Variants in TNIK observed in about 807,000 individuals in gnomAD.
The protein encoded by TNIK is TRAF2 and NCK-interacting protein kinase.
Under a neutral mutation model 191.3 loss-of-function variants are expected in TNIK, and 49 were observed. That is an observed-to-expected ratio of 0.26 (90% CI 0.20 to 0.32). The LOEUF is 0.32. Among genes scored for constraint, TNIK ranks in the 10% least tolerant of loss-of-function variants. The pLI, the probability that TNIK is intolerant of heterozygous loss-of-function variation, is 1.00. For missense variants in TNIK, 1,155 were observed against 1,702.3 expected (o/e 0.68, Z 5.66); for synonymous variants, 594 against 600.9 (o/e 0.99, Z 0.17).
In TNIK at chr3:171,128,752, C is replaced by T; in HGVS notation, c.1735G>A (p.Ala579Thr). ...GGTCTGAGCATGGGGGGTGTTCGAG[C>T]AGGCTGAACTCCACTAATGCTGAAG... Reference protein sequence around the residue: ...ESFSISGVQPARTPPMLRPVD... With the variant: ...ESFSISGVQPTRTPPMLRPVD... The change falls in exon 16 of 33, where the codon GCT (alanine) becomes ACT (threonine). Residue 579 changes from alanine (A) to threonine (T), a missense_variant. By Grantham distance (58) the Ala-to-Thr change is moderately conservative (BLOSUM62 0). This residue lies in a region of TNIK where 735 missense variants were observed against 848.0 expected (regional missense o/e 0.87). Transcript: ENST00000436636. The T allele has an allele frequency of 6.2e-7, 1 of 1,613,454 alleles. No homozygotes were observed. The highest frequency in any genetic ancestry group is 8.5e-7 in the Non-Finnish European group (1 of 1,179,752).
chr3:171,101,491 G>A lies in TNIK; in HGVS notation c.2549C>T (p.Thr850Ile), dbSNP rs775706138. Residue 850 changes from threonine to isoleucine, a missense_variant, in exon 22 of 33, where the codon ACC becomes ATC. By Grantham distance (89) the Thr-to-Ile change is moderately conservative (BLOSUM62 -1). This residue lies in a region of TNIK where 735 missense variants were observed against 848.0 expected (regional missense o/e 0.87). Coordinates refer to ENST00000436636, the MANE Select transcript of TNIK (RefSeq NM_015028.4). ...EEEEEDGESETHDGTVAVSDI... is the reference protein window; with the variant it reads ...EEEEEDGESEIHDGTVAVSDI... Reference sequence around the variant, plus strand: ...GCTGACAGCCACTGTCCCATCATGGGTCTCGCTCTCTCCATCTTCCTCCTC... The same window carrying A: ...GCTGACAGCCACTGTCCCATCATGGATCTCGCTCTCTCCATCTTCCTCCTC... The A allele has an allele frequency of 1.9e-6, 3 of 1,613,234 alleles. No individual in the cohort carries two copies. Among genetic ancestry groups the A allele is most frequent in the African/African-American group, 2.7e-5 (2 of 74,838 alleles).
chr3:171,343,852 G>T (rs945017089), intron 2 of TNIK, among the ~76,000 whole-genome samples: 3 of 152,098 alleles, frequency 2.0e-5, no homozygotes, highest in Non-Finnish European at 2.9e-5. Flanking sequence ...TTACCCAAAA[G>T]GCATAAATGA....
intron 8 of TNIK, among the ~76,000 whole-genome samples, chr3:171,177,109 CTT>C (rs80076554): frequency 6.9e-5 from 10 of 145,840 alleles, no homozygotes; most frequent in African/African-American, 1.8e-4. Context: ...CTTTTTCTTC[CTT>C]TTTTTTTTTT....
At chr3:171,109,941 G>T (rs772031722) in intron 19 of TNIK, among the ~76,000 whole-genome samples, 12 of 150,106 alleles carry the variant, frequency 8.0e-5, no homozygotes, top group Admixed American at 4.0e-4. Flanking sequence ...TTTCATTCTT[G>T]TTGCCAAGGC....
At chr3:171,304,854 G>A (rs1351986012) in intron 2 of TNIK, among the ~76,000 whole-genome samples, 2 of 151,888 alleles carry the variant, frequency 1.3e-5, no homozygotes, top group Non-Finnish European at 2.9e-5. Context: ...ACCGGGGACC[G>A]TTGTGGGGTG....
intron 2 of TNIK, among the ~76,000 whole-genome samples, chr3:171,352,048 A>G (rs1021584723): frequency 1.3e-5 from 2 of 152,216 alleles, no homozygotes; most frequent in African/African-American, 4.8e-5. Flanking sequence ...CTCGTTAAAA[A>G]GCAGATTCTG....
intron 1 of TNIK, among the ~76,000 whole-genome samples, chr3:171,393,506 C>CCT (rs1230372498): frequency 1.3e-5 from 2 of 152,246 alleles, no homozygotes; most frequent in Non-Finnish European, 2.9e-5. Flanking sequence ...TTAAACTCCT[C>CCT]CTCTTGAACC....
intron 23 of TNIK, among the ~76,000 whole-genome samples, chr3:171,092,182 T>C (rs1489160282): frequency 6.6e-6 from 1 of 152,074 alleles, no homozygotes; most frequent in African/African-American, 2.4e-5. Flanking sequence ...TCTCCTGATC[T>C]CGTGATCCTC....
intron 2 of TNIK, among the ~76,000 whole-genome samples, chr3:171,335,062 A>G (rs966583861): frequency 6.6e-6 from 1 of 151,588 alleles, no homozygotes; most frequent in Admixed American, 6.6e-5. Context: ...CCTCCTGAAA[A>G]CCAATCACTA....
chr3:171,225,898 CATTA>C (rs1010099886), intron 3 of TNIK, among the ~76,000 whole-genome samples: 2 of 152,170 alleles, frequency 1.3e-5, no homozygotes, highest in African/African-American at 4.8e-5. Flanking sequence ...CTTCCACAAC[CATTA>C]ATTGTTAAAC....
chr3:171,289,620 C>G (rs980982158), intron 2 of TNIK, among the ~76,000 whole-genome samples: 1 of 152,166 alleles, frequency 6.6e-6, no homozygotes, highest in African/African-American at 2.4e-5. Flanking sequence ...TAAGAGAAGG[C>G]TGGTTGAGCT....
At chr3:171,090,385 C>T (rs866841142) in intron 23 of TNIK, among the ~76,000 whole-genome samples, 7 of 151,884 alleles carry the variant, frequency 4.6e-5, no homozygotes, top group Middle Eastern at 6.8e-3. Flanking sequence ...TACCCTCTCC[C>T]GACTTAAAAA....
intron 18 of TNIK, among the ~76,000 whole-genome samples, chr3:171,113,443 A>G (rs945557290): frequency 6.6e-6 from 1 of 152,056 alleles, no homozygotes; most frequent in Non-Finnish European, 1.5e-5. Flanking sequence ...ATCTCTACTA[A>G]AAATACAAAA....
intron 1 of TNIK, among the ~76,000 whole-genome samples, chr3:171,446,257 A>C (rs991295200): frequency 2.0e-5 from 3 of 152,212 alleles, no homozygotes; most frequent in Non-Finnish European, 4.4e-5. Flanking sequence ...TTGAAGATAT[A>C]AAGTGCTCTA....
chr3:171,455,096 A>G (rs1728640355), intron 1 of TNIK, among the ~76,000 whole-genome samples: 1 of 152,224 alleles, frequency 6.6e-6, no homozygotes, highest in African/African-American at 2.4e-5. Context: ...AATGCTTAAT[A>G]CTGGGGGCGC....
intron 1 of TNIK, among the ~76,000 whole-genome samples, chr3:171,457,673 C>A (rs913650593): frequency 6.6e-6 from 1 of 152,224 alleles, no homozygotes; most frequent in African/African-American, 2.4e-5. Context: ...ACCCACAAGA[C>A]TGGTCAAAGA....
chr3:171,136,152 A>T (rs758722307), intron 15 of TNIK, among the ~76,000 whole-genome samples: 1 of 152,212 alleles, frequency 6.6e-6, no homozygotes, highest in Admixed American at 6.5e-5. Flanking sequence ...GCACAACATA[A>T]TGATCTTTTC....
At chr3:171,179,719 G>A (rs1194568804) in intron 7 of TNIK, among the ~76,000 whole-genome samples, 1 of 152,120 alleles carries the variant, frequency 6.6e-6, no homozygotes, top group African/African-American at 2.4e-5. Context: ...CAAAGTGCTG[G>A]GATTACAGGC....
At chr3:171,350,471 T>C (rs1305623057) in intron 2 of TNIK, among the ~76,000 whole-genome samples, 1 of 152,062 alleles carries the variant, frequency 6.6e-6, no homozygotes, top group Non-Finnish European at 1.5e-5. Context: ...AATGCCACAT[T>C]CAAATATTTT....
Sources: gnomAD v4.1 joint callset for allele counts (sites outside exome capture counted in the v4.1 genomes callset) on GRCh38, gnomAD v4.1.1 for gene constraint, gnomAD v4.1.1 regional missense constraint, MANE v1.5 for transcripts, NCBI Gene and HGNC (gene_info 2026-07-23, HGNC 2026-07-21) for gene names.